Variants in FLVCR2 observed in about 807,000 individuals in gnomAD.
FLVCR2 encodes choline/ethanolamine transporter FLVCR2.
FLVCR2 carries 38 observed loss-of-function variants against 48.9 expected under a neutral mutation model. The ratio of observed to expected loss-of-function variants is 0.78; its 90% CI spans 0.60 to 1.02. The LOEUF (loss-of-function observed/expected upper bound fraction) is 1.02, where lower values mean the gene tolerates loss of function less well. Ranked by LOEUF, FLVCR2 falls within the 50% of genes least tolerant of loss-of-function variation. The pLI is 0.00. For synonymous variants in FLVCR2, 255 were observed against 257.0 expected (o/e 0.99, Z 0.07); for missense variants, 664 against 663.3 (o/e 1.00, Z -0.01).
intron 2 of FLVCR2, 27 bp downstream of exon 2, chr14:75,622,247 T>C: frequency 1.2e-6 from 2 of 1,612,880 alleles, no homozygotes; most frequent in Non-Finnish European, 1.7e-6. Context: ...ACAGATGGGG[T>C]AGCAGGGGGC....
At chr14:75,589,371 C>A (rs1326541953) in intron 1 of FLVCR2, among the ~76,000 whole-genome samples, 1 of 152,146 alleles carries the variant, frequency 6.6e-6, no homozygotes, top group East Asian at 1.9e-4. Flanking sequence ...ACGGGGAAAA[C>A]AACATTAAGT....
Position 75,634,996 on chromosome 14 carries a change from T to G in FLVCR2, c.1107T>G (p.Asp369Glu). ...LGAVISGIWL[D>E]RSKTYKETTL... Reference sequence around the variant, plus strand: ...CTGTGATCTCAGGAATCTGGCTGGATAGGTCCAAAACCTACAAGTAAGTGA... The same window carrying G: ...CTGTGATCTCAGGAATCTGGCTGGAGAGGTCCAAAACCTACAAGTAAGTGA... Residue 369 changes from aspartate to glutamate, a missense_variant, in exon 5 of 10, where the codon GAT becomes GAG. Physicochemically the swap from Asp to Glu is conservative, Grantham distance 45 (BLOSUM62 2). Coordinates refer to ENST00000238667, the MANE Select transcript of FLVCR2 (RefSeq NM_017791.3). 6.2e-7 allele frequency: 1 copy of G among 1,612,436 alleles called. No homozygotes were observed.
At chr14:75,588,231 G>A (rs1217884551) in intron 1 of FLVCR2, among the ~76,000 whole-genome samples, 1 of 152,232 alleles carries the variant, frequency 6.6e-6, no homozygotes, top group Non-Finnish European at 1.5e-5. Context: ...AGGCTGGGCA[G>A]TCCAAGGCCA....
chr14:75,587,743 G>A (rs1480600876), intron 1 of FLVCR2, among the ~76,000 whole-genome samples: 1 of 152,148 alleles, frequency 6.6e-6, no homozygotes, highest in Non-Finnish European at 1.5e-5. Context: ...ACTGTGCAAG[G>A]GTCAAAAGAA....
At position 75,590,685 on chromosome 14, in the gene FLVCR2, CCT is replaced by C. The variant is rs150853229; in HGVS notation, c.669+11053_669+11054del. Among the ~76,000 whole-genome samples, 493 of 152,162 alleles carry C rather than the reference CCT, an allele frequency of 3.2e-3. 4 individuals are homozygous for C. The highest frequency in any genetic ancestry group is 0.011 in the African/African-American group (473 of 41,516). ...TGTTTAAAGAGTACAGGACATCCTC[CCT>C]CTCTCTCTTTCTTGCTTCTACTCTG... On this transcript the variant is annotated intron_variant, in intron 1 of 9. Coordinates refer to ENST00000238667, the MANE Select transcript of FLVCR2 (RefSeq NM_017791.3).
chr14:75,578,850 GTCTCTGTT>G lies in FLVCR2; in HGVS notation c.-119_-112del. The G allele has an allele frequency of 1.1e-6, 1 of 902,292 alleles. No individual in the cohort carries two copies. Among genetic ancestry groups the G allele is most frequent in the Non-Finnish European group, 1.8e-6 (1 of 561,114 alleles). 55.9% of individuals were successfully genotyped at this position (902,292 alleles called of 1,614,324 possible). On this transcript the variant is annotated 5_prime_UTR_variant, in exon 1 of 10. Transcript: ENST00000238667. ...ACTTGAGGCTTTTACGCAGCCTCTA[GTCTCTGTT>G]TCTTCTGGAATAGGCAAGTGTCCTT... is the stretch of plus-strand genomic sequence containing the variant.
intron 1 of FLVCR2, among the ~76,000 whole-genome samples, chr14:75,597,657 C>T (rs1175122298): frequency 6.6e-6 from 1 of 152,144 alleles, no homozygotes; most frequent in Non-Finnish European, 1.5e-5. Context: ...GCAATCTCCA[C>T]TTCCCAAGTT....
At chr14:75,582,907 G>C (rs1367034605) in intron 1 of FLVCR2, among the ~76,000 whole-genome samples, 3 of 152,150 alleles carry the variant, frequency 2.0e-5, no homozygotes, top group Non-Finnish European at 4.4e-5. Flanking sequence ...TTGGGGTTTG[G>C]GAGATTAGCT....
intron 1 of FLVCR2, among the ~76,000 whole-genome samples, chr14:75,590,289 G>C (rs1219816363): frequency 6.6e-6 from 1 of 152,188 alleles, no homozygotes; most frequent in Non-Finnish European, 1.5e-5. Flanking sequence ...CTGCCCACGT[G>C]ACCCAAACAC....
chr14:75,606,837 A>T (rs572352958), intron 1 of FLVCR2, among the ~76,000 whole-genome samples: 3 of 152,000 alleles, frequency 2.0e-5, no homozygotes, highest in African/African-American at 7.2e-5. Context: ...CTAGCTACCC[A>T]GGAGGCTGAG....
chr14:75,602,255 A>G (rs1889183330), intron 1 of FLVCR2, among the ~76,000 whole-genome samples: 1 of 152,136 alleles, frequency 6.6e-6, no homozygotes, highest in African/African-American at 2.4e-5. Flanking sequence ...TGGAGTGGGT[A>G]GGGGGATGGG....
chr14:75,601,588 T>C (rs1889167803), intron 1 of FLVCR2, among the ~76,000 whole-genome samples: 1 of 152,100 alleles, frequency 6.6e-6, no homozygotes, highest in Non-Finnish European at 1.5e-5. Context: ...CTGGTGGGAA[T>C]GTAAAATGGT....
chr14:75,610,268 C>T (rs1889406990), intron 1 of FLVCR2, among the ~76,000 whole-genome samples: 1 of 152,164 alleles, frequency 6.6e-6, no homozygotes, highest in African/African-American at 2.4e-5. Context: ...TTCTTCACTT[C>T]TGCACCCAAA....
chr14:75,584,484 A>G (rs1344782012), intron 1 of FLVCR2, among the ~76,000 whole-genome samples: 2 of 152,224 alleles, frequency 1.3e-5, no homozygotes, highest in South Asian at 2.1e-4. Flanking sequence ...CAAGCGGGCC[A>G]TGAACTGGGC....
intron 1 of FLVCR2, among the ~76,000 whole-genome samples, chr14:75,613,097 C>G (rs1327651146): frequency 6.6e-6 from 1 of 152,190 alleles, no homozygotes; most frequent in Non-Finnish European, 1.5e-5. Flanking sequence ...GTGGAAGTCA[C>G]TTCCACATAA....
intron 1 of FLVCR2, among the ~76,000 whole-genome samples, chr14:75,603,719 C>G (rs1010331056): frequency 3.9e-5 from 6 of 152,176 alleles, no homozygotes; most frequent in Admixed American, 3.3e-4. Flanking sequence ...AGATACTCCC[C>G]CCTTAGATGC....
At chr14:75,590,685 C>T (rs987115666) in intron 1 of FLVCR2, among the ~76,000 whole-genome samples, 1 of 152,048 alleles carries the variant, frequency 6.6e-6, no homozygotes, top group African/African-American at 2.4e-5. Context: ...GGACATCCTC[C>T]CTCTCTCTCT....
intron 1 of FLVCR2, among the ~76,000 whole-genome samples, chr14:75,601,580 G>A (rs770024392): frequency 6.6e-6 from 1 of 152,106 alleles, no homozygotes; most frequent in African/African-American, 2.4e-5. Flanking sequence ...TTGCATTGCT[G>A]GTGGGAATGT....
At chr14:75,598,767 C>A (rs1889087828) in intron 1 of FLVCR2, among the ~76,000 whole-genome samples, 1 of 152,260 alleles carries the variant, frequency 6.6e-6, no homozygotes, top group African/African-American at 2.4e-5. Flanking sequence ...TGAGCTATCA[C>A]CCAGCGCATG....
Sources: allele counts gnomAD v4.1 joint callset (sites outside exome capture counted in the v4.1 genomes callset), GRCh38; gene constraint gnomAD v4.1.1; transcripts MANE v1.5; gene names NCBI Gene and HGNC (gene_info 2026-07-23, HGNC 2026-07-21).